Variants in PTRH1 observed in about 807,000 individuals in gnomAD.
PTRH1 encodes peptidyl-tRNA hydrolase.
PTRH1 carries 13 observed loss-of-function variants against 15.7 expected under a neutral mutation model. The observed-to-expected ratio is 0.83, with a 90% confidence interval of 0.54 to 1.31. The LOEUF (loss-of-function observed/expected upper bound fraction) is 1.31. Among genes scored for constraint, PTRH1 ranks in the 40% most tolerant of loss-of-function variants. The pLI is 0.00. For missense variants in PTRH1, 319 were observed against 296.2 expected, an observed-to-expected ratio of 1.08 and a Z score of -0.56; for synonymous variants, 139 against 136.7, an observed-to-expected ratio of 1.02 and a Z score of -0.12.
chr9:127,700,212 C>T (rs1045544225), intron 1 of PTRH1, among the ~76,000 whole-genome samples: 2 of 152,116 alleles, frequency 1.3e-5, no homozygotes, highest in Non-Finnish European at 2.9e-5. Context: ...CCCTCTTGCC[C>T]GCTCCCTCCT....
At chr9:127,706,987 C>G (rs1207942562) in intron 1 of PTRH1, 1 of 1,605,736 alleles carries the variant, frequency 6.2e-7, no homozygotes, top group South Asian at 1.1e-5. Context: ...CCTTAGCAAC[C>G]ACCTGGCCTC....
At chr9:127,709,447 G>C, downstream of PTRH1, 1 of 1,613,740 alleles carries the variant, frequency 6.2e-7, no homozygotes, top group Non-Finnish European at 8.5e-7. This position sits in a 1 kb window ranked among gnomAD's most constrained non-coding sequence, Gnocchi z 4.7. Context: ...GGATGAGCTG[G>C]CTGTGCAGGA....
chr9:127,711,736 A>AT (rs1842769538), downstream of PTRH1: 3 of 1,466,956 alleles, frequency 2.0e-6, no homozygotes, highest in Non-Finnish European at 2.8e-6. Flanking sequence ...GCCGCTCTGC[A>AT]TAGGGGAACA....
At chr9:127,707,014 C>G in intron 1 of PTRH1, 1 of 1,612,760 alleles carries the variant, frequency 6.2e-7, no homozygotes, top group Non-Finnish European at 8.5e-7. Context: ...GGGCCTGGAG[C>G]CCTGGTTGCC....
downstream of PTRH1, among the ~76,000 whole-genome samples, chr9:127,710,408 G>C (rs1842737950): frequency 6.6e-6 from 1 of 152,128 alleles, no homozygotes; most frequent in African/African-American, 2.4e-5. Flanking sequence ...GGGGTGGAGG[G>C]AGGGCAACCC....
At chr9:127,698,187 G>A (rs560139013) in intron 1 of PTRH1, among the ~76,000 whole-genome samples, 1 of 152,184 alleles carries the variant, frequency 6.6e-6, no homozygotes, top group East Asian at 1.9e-4. Flanking sequence ...TTGAGTCCAG[G>A]AGTTTGAGAC....
intron 1 of PTRH1, among the ~76,000 whole-genome samples, chr9:127,703,431 G>A (rs865912720): frequency 2.0e-5 from 3 of 152,116 alleles, no homozygotes; most frequent in Admixed American, 6.5e-5. Flanking sequence ...GGGCGACAGA[G>A]CAAGAGAAAG....
downstream of PTRH1, chr9:127,711,741 G>A (rs1842769661): frequency 2.0e-6 from 3 of 1,483,650 alleles, no homozygotes; most frequent in African/African-American, 2.8e-5. Context: ...TCTGCATAGG[G>A]GAACACGGGA....
Position 127,714,998 on chromosome 9 carries a change from T to C in PTRH1, c.293A>G (p.Asn98Ser), listed in dbSNP as rs1842911469. 4 of 1,208,362 alleles carry C rather than the reference T, an allele frequency of 3.3e-6. No homozygotes were observed. The highest frequency in any genetic ancestry group is 3.3e-5 in the Admixed American group (1 of 30,338). The allele number at this position is 1,208,362 out of a possible 1,614,324, so 74.9% of individuals were successfully genotyped here. ...ACCAGCCCGGGCCACGCTGCGCCCGTTGGCGTTCATAAGCCGCCGTGGCCG... is the reference window on the plus strand; with the variant it reads ...ACCAGCCCGGGCCACGCTGCGCCCGCTGGCGTTCATAAGCCGCCGTGGCCG... ...LLRPRRLMNA[N>S]GRSVARAAEL... The change falls in exon 2 of 5, where the codon AAC becomes AGC. Residue 98 changes from asparagine to serine, a missense_variant. Physicochemically the swap from Asn to Ser is conservative, Grantham distance 46. Coordinates refer to ENST00000543175, the MANE Select transcript of PTRH1 (RefSeq NM_001002913.3).
At chr9:127,697,072 G>A (rs975845484) in intron 1 of PTRH1, among the ~76,000 whole-genome samples, 2 of 152,156 alleles carry the variant, frequency 1.3e-5, no homozygotes, top group Non-Finnish European at 2.9e-5. Context: ...GGTCCCCTGT[G>A]CATTACCTGT....
chr9:127,712,774 G>T (rs1215798789), downstream of PTRH1: 11 of 1,614,206 alleles, frequency 6.8e-6, no homozygotes, highest in Non-Finnish European at 9.3e-6. Flanking sequence ...AGGAGATGCT[G>T]CAGCAACTGC....
At chr9:127,710,967 T>C (rs919578686), downstream of PTRH1, among the ~76,000 whole-genome samples, 2 of 152,170 alleles carry the variant, frequency 1.3e-5, no homozygotes, top group Non-Finnish European at 1.5e-5. Context: ...CACGCTGGCA[T>C]TGGAGACTCC....
At chr9:127,712,718 G>T, downstream of PTRH1, 1 of 1,614,164 alleles carries the variant, frequency 6.2e-7, no homozygotes, top group Non-Finnish European at 8.5e-7. Flanking sequence ...GATGCACCGC[G>T]ATGAAGAGGA....
Position 127,715,144 on chromosome 9 carries a change from G to C in PTRH1, c.147C>G (p.Gly49=). Residue 49 remains glycine (G), a synonymous_variant, in exon 2 of 5, where the codon GGC becomes GGG. Coordinates refer to ENST00000543175, the MANE Select transcript of PTRH1 (RefSeq NM_001002913.3). This position sits in a 1 kb window ranked among gnomAD's most constrained non-coding sequence, Gnocchi z 5.8. ...GCGCCAGCTGCCCCAGCACCGCCAT[G>C]CCCACGCTGTGTCGCGTGCCGGGCA... The part of the protein sequence containing the change: ...PGLPGTRHSV[G]MAVLGQLARR... 6.5e-7 allele frequency: 1 copy of C among 1,537,182 alleles called. No individual in the cohort carries two copies. Among genetic ancestry groups the C allele is most frequent in the East Asian group, 2.4e-5 (1 of 41,038 alleles).
intron 1 of PTRH1, among the ~76,000 whole-genome samples, chr9:127,707,534 C>T (rs1410849773): frequency 2.0e-5 from 3 of 152,096 alleles, no homozygotes; most frequent in Admixed American, 6.5e-5. Flanking sequence ...CTCTGGCAGG[C>T]GGGTGGACCC....
At position 127,707,041 on chromosome 9, in the gene PTRH1, A is replaced by C. The variant is rs765972226; in HGVS notation, c.205+8394T>G. The C allele has an allele frequency of 4.3e-6, 7 of 1,613,586 alleles. No homozygotes were observed. In the South Asian group the frequency reaches 7.7e-5, roughly 18 times the overall value. On this transcript the variant is annotated intron_variant, in intron 1 of 2. Transcript: ENST00000335223. ...CTGGTTGCCATCAGCCATGGCTCCCAAAAAGAGTGTGAGCAAGGCAGGCAA... is the reference window on the plus strand; with the variant it reads ...CTGGTTGCCATCAGCCATGGCTCCCCAAAAGAGTGTGAGCAAGGCAGGCAA...
chr9:127,714,980 C>T lies in PTRH1; in HGVS notation c.311G>A (p.Arg104Gln), dbSNP rs1377654512. The T allele has an allele frequency of 6.9e-7, 1 of 1,448,854 alleles. No homozygotes were observed. Among genetic ancestry groups the T allele is most frequent in the Non-Finnish European group, 9.0e-7 (1 of 1,105,116 alleles). 89.7% of individuals were successfully genotyped at this position (1,448,854 alleles called of 1,614,324 possible). A position where few individuals can be genotyped will look rare whatever the true frequency, so the allele number is the denominator to read the frequency against. The change falls in exon 2 of 5, where the codon CGG becomes CAG. Residue 104 changes from arginine (R) to glutamine (Q), a missense_variant. Coordinates refer to ENST00000543175, the MANE Select transcript of PTRH1 (RefSeq NM_001002913.3). ...CCCTGGCGCTCTCAACTCACCAGCC[C>T]GGGCCACGCTGCGCCCGTTGGCGTT... ...LMNANGRSVARAAELFGLTAE... is the reference protein window; with the variant it reads ...LMNANGRSVAQAAELFGLTAE...
chr9:127,712,979 G>C, downstream of PTRH1: 1 of 1,603,520 alleles, frequency 6.2e-7, no homozygotes, highest in Non-Finnish European at 8.5e-7. Context: ...CAGAAACCTG[G>C]CTCGCCGAAG....
Position 127,715,110 on chromosome 9 carries a change from C to G in PTRH1, c.181G>C (p.Gly61Arg). The change falls in exon 2 of 5, where the codon GGT becomes CGT. Residue 61 changes from glycine to arginine, a missense_variant. Transcript: ENST00000543175. The surrounding 1 kb of genome is among the most constrained non-coding windows in gnomAD (Gnocchi z 5.8). Reference sequence around the variant, plus strand: ...TCGCGCGTCCAACTCTCCGCCACACCCAGCCGCCGCGCCAGCTGCCCCAGC... The same window carrying G: ...TCGCGCGTCCAACTCTCCGCCACACGCAGCCGCCGCGCCAGCTGCCCCAGC... Reference protein sequence around the residue: ...AVLGQLARRLGVAESWTRDRH... With the variant: ...AVLGQLARRLRVAESWTRDRH... The G allele has an allele frequency of 1.3e-6, 2 of 1,534,166 alleles. No individual in the cohort carries two copies. The highest frequency in any genetic ancestry group is 1.7e-6 in the Non-Finnish European group (2 of 1,145,996).
Sources: gnomAD v4.1 joint callset for allele counts (sites outside exome capture counted in the v4.1 genomes callset) on GRCh38, gnomAD v4.1.1 for gene constraint, Gnocchi (gnomAD v3.1) non-coding constraint, MANE v1.5 for transcripts, NCBI Gene and HGNC (gene_info 2026-07-23, HGNC 2026-07-21) for gene names.